RIPOR3: variants seen among roughly 807,000 people sequenced by gnomAD.
RIPOR3 encodes RIPOR family member 3.
A neutral mutation model predicts 114.3 loss-of-function variants in RIPOR3; 95 were observed. That is an observed-to-expected ratio of 0.83 (90% CI 0.70 to 0.99). The LOEUF is 0.99. RIPOR3 is among the 50% of genes least tolerant of loss of function. The probability of loss-of-function intolerance (pLI) is 0.00; values close to 1 mark genes in which losing one functional copy is unlikely to be tolerated. For missense variants in RIPOR3, 1,252 were observed against 1,266.9 expected, an observed-to-expected ratio of 0.99 and a Z score of 0.18; for synonymous variants, 575 against 543.8, an observed-to-expected ratio of 1.06 and a Z score of -0.80.
chr20:50,660,206 C>G (rs942532873), intron 1 of RIPOR3: 2 of 152,162 alleles, frequency 1.3e-5, no homozygotes, highest in Non-Finnish European at 2.9e-5. Context: ...CACCTGAAAC[C>G]CACTCTACTT....
chr20:50,597,501 G>T, intron 14 of RIPOR3, 79 bp downstream of exon 14: 1 of 1,530,128 alleles, frequency 6.5e-7, no homozygotes. Flanking sequence ...AGACGGGGAG[G>T]CTGGCAGGAA....
intron 21 of RIPOR3, 71 bp downstream of exon 21, chr20:50,587,731 G>T: frequency 6.9e-7 from 1 of 1,447,468 alleles, no homozygotes; most frequent in Non-Finnish European, 9.7e-7. Flanking sequence ...GGGAGAGCTG[G>T]GTGTGGCCTC....
At chr20:50,624,666 G>A (rs560717507) in intron 2 of RIPOR3, among the ~76,000 whole-genome samples, 1 of 152,354 alleles carries the variant, frequency 6.6e-6, no homozygotes, top group South Asian at 2.1e-4. Context: ...AGCCTCTGGG[G>A]CCGGATGTTT....
rs768130603 is a variant in RIPOR3, at chr20:50,608,380, G to A, written c.956+9C>T. 17 of 1,613,682 alleles carry A rather than the reference G, an allele frequency of 1.1e-5. No individual in the cohort carries two copies. The highest frequency in any genetic ancestry group is 6.7e-5 in the African/African-American group (5 of 74,886). On this transcript the variant is annotated intron_variant, in intron 11 of 21. Transcript: ENST00000327979. The stretch of plus-strand genomic sequence containing the variant: ...GGCCTCCGCTCTCCCCAGGCTGGAC[G>A]GGACTCACTTCCACTGCACCTCCAG...
chr20:50,630,846 A>G lies in RIPOR3; in HGVS notation c.14T>C (p.Met5Thr). 5 of 1,602,242 alleles carry G rather than the reference A, an allele frequency of 3.1e-6. No individual in the cohort carries two copies. The highest frequency in any genetic ancestry group is 1.7e-6 in the Non-Finnish European group (2 of 1,174,934). The change falls in exon 2 of 22, where the codon ATG (methionine) becomes ACG (threonine). Residue 5 changes from methionine (M) to threonine (T), a missense_variant. Coordinates refer to ENST00000327979, the MANE Select transcript of RIPOR3 (RefSeq NM_001290268.2). MVTT[M>T]SVRLRFLSPG... ...GGACAGGAACCGCAACCTCACCGACATGGTGGTCACCTGCAAGGAGAGGAC... is the reference window on the plus strand; with the variant it reads ...GGACAGGAACCGCAACCTCACCGACGTGGTGGTCACCTGCAAGGAGAGGAC...
chr20:50,609,532 C>A, intron 7 of RIPOR3, 41 bp downstream of exon 7: 1 of 1,432,334 alleles, frequency 7.0e-7, no homozygotes, highest in South Asian at 1.5e-5. Flanking sequence ...CGGCCCAGCT[C>A]TTGCTGCCCC....
intron 7 of RIPOR3, 59 bp from the exon 8 acceptor site, chr20:50,609,415 A>T (rs1487859999): frequency 6.3e-7 from 1 of 1,588,650 alleles, no homozygotes; most frequent in African/African-American, 1.4e-5. Flanking sequence ...GAGGGCCTCT[A>T]ACCATCCCTG....
chr20:50,592,073 C>T (rs1318937582), intron 19 of RIPOR3, among the ~76,000 whole-genome samples: 1 of 152,182 alleles, frequency 6.6e-6, no homozygotes, highest in African/African-American at 2.4e-5. Flanking sequence ...GGCAACAGAG[C>T]AGAACTCTGT....
chr20:50,606,497 C>T (rs555252419), intron 11 of RIPOR3, among the ~76,000 whole-genome samples: 1 of 152,306 alleles, frequency 6.6e-6, no homozygotes, highest in African/African-American at 2.4e-5. Context: ...AACCATGGCT[C>T]AGATGGAAAG....
At chr20:50,592,692 T>C in intron 18 of RIPOR3, 146 bp from the exon 19 acceptor site, 1 of 735,392 alleles carries the variant, frequency 1.4e-6, no homozygotes, top group South Asian at 2.6e-5. Context: ...CCTGGACTAA[T>C]TTCACAGGGA....
intron 1 of RIPOR3, among the ~76,000 whole-genome samples, chr20:50,686,957 A>G (rs4809808): frequency 0.67 from 101,583 of 151,478 alleles, 35,298 homozygotes; most frequent in Non-Finnish European, 0.75. Flanking sequence ...TAGGCCCTTA[A>G]AACTGGAAAG....
intron 13 of RIPOR3, among the ~76,000 whole-genome samples, chr20:50,600,461 A>G (rs1286947848): frequency 2.0e-5 from 3 of 152,234 alleles, no homozygotes; most frequent in Non-Finnish European, 2.9e-5. Flanking sequence ...AAAGGCTGTT[A>G]AAAAGTACAA....
intron 1 of RIPOR3, among the ~76,000 whole-genome samples, chr20:50,684,254 A>C (rs898464866): frequency 1.8e-4 from 28 of 152,186 alleles, no homozygotes; most frequent in African/African-American, 6.5e-4. Context: ...TTTTAAATGG[A>C]GAGTCAGGAT....
chr20:50,602,575 A>C lies in RIPOR3; in HGVS notation c.1156T>G (p.Tyr386Asp), dbSNP rs781623217. ...CCCCGGAGGTCGCTGTCAGACAGGT[A>C]GCTGAGGATGGAGGTGGCCCTTGGG... ...GGPRATSILSYLSDSDLRGPS... is the reference protein window; with the variant it reads ...GGPRATSILSDLSDSDLRGPS... The change falls in exon 13 of 22, where the codon TAC becomes GAC. Residue 386 changes from tyrosine to aspartate, a missense_variant. Physicochemically the swap from Tyr to Asp is radical, Grantham distance 160. Coordinates refer to ENST00000327979, the MANE Select transcript of RIPOR3 (RefSeq NM_001290268.2). This position sits in a 1 kb window ranked among gnomAD's most constrained non-coding sequence, Gnocchi z 4.3. The C allele has an allele frequency of 6.5e-7, 1 of 1,529,718 alleles. No homozygotes were observed. The highest frequency in any genetic ancestry group is 8.8e-7 in the Non-Finnish European group (1 of 1,140,286). 94.8% of individuals were successfully genotyped at this position (1,529,718 alleles called of 1,614,324 possible). A position where few individuals can be genotyped will look rare whatever the true frequency, so the allele number is the denominator to read the frequency against.
At chr20:50,597,854 G>T in intron 13 of RIPOR3, 144 bp from the exon 14 acceptor site, 1 of 1,288,376 alleles carries the variant, frequency 7.8e-7, no homozygotes, top group Non-Finnish European at 1.0e-6. Flanking sequence ...CAGAAGCCCA[G>T]CCGCTGGCCC....
chr20:50,613,793 C>A (rs772613668), intron 4 of RIPOR3, among the ~76,000 whole-genome samples: 53 of 152,310 alleles, frequency 3.5e-4, no homozygotes, highest in Non-Finnish European at 7.5e-4. Flanking sequence ...AGAAGAGGGG[C>A]AGGTGCTGGA....
chr20:50,625,430 T>C (rs2084584379), intron 2 of RIPOR3, among the ~76,000 whole-genome samples: 1 of 152,184 alleles, frequency 6.6e-6, no homozygotes, highest in South Asian at 2.1e-4. Context: ...GTCTTTGAGG[T>C]CAGGCCCCCT....
chr20:50,690,975 T>C, intron 1 of RIPOR3, 151 bp downstream of exon 1: 1 of 977,170 alleles, frequency 1.0e-6, no homozygotes, highest in Non-Finnish European at 1.4e-6. Context: ...CCATCCCATC[T>C]CAGCCTCAAC....
At chr20:50,683,533 AC>A (rs2086926270) in intron 1 of RIPOR3, among the ~76,000 whole-genome samples, 1 of 151,546 alleles carries the variant, frequency 6.6e-6, no homozygotes, top group South Asian at 2.1e-4. Flanking sequence ...GCTTGCTGCA[AC>A]CTCCAGCTCC....
Sources: allele counts gnomAD v4.1 joint callset (sites outside exome capture counted in the v4.1 genomes callset), GRCh38; gene constraint gnomAD v4.1.1; non-coding constraint Gnocchi (gnomAD v3.1); transcripts MANE v1.5; gene names NCBI Gene and HGNC (gene_info 2026-07-23, HGNC 2026-07-21).